FHAD1: variants seen among roughly 807,000 people sequenced by gnomAD.
FHAD1 encodes the protein forkhead-associated domain-containing protein 1.
In FHAD1, 146 loss-of-function variants were observed where a neutral mutation model predicts 191.3. The observed-to-expected ratio is 0.76, with a 90% CI of 0.67 to 0.88. The LOEUF (loss-of-function observed/expected upper bound fraction) is 0.88, where lower values mean the gene tolerates loss of function less well. Ranked by LOEUF, FHAD1 falls within the 40% of genes least tolerant of loss-of-function variation. FHAD1 has a pLI of 0.00. For synonymous variants in FHAD1, 616 were observed against 672.3 expected, an observed-to-expected ratio of 0.92 and a Z score of 1.29; for missense variants, 1,635 against 1,785.8, an observed-to-expected ratio of 0.92 and a Z score of 1.52.
chr1:15,280,416 G>A (rs1247698772), intron 3 of FHAD1, among the ~76,000 whole-genome samples: 2 of 152,088 alleles, frequency 1.3e-5, no homozygotes, highest in Non-Finnish European at 2.9e-5. Flanking sequence ...GAGGGCATGG[G>A]GCAGCAGACA....
intron 17 of FHAD1, 36 bp from the exon 18 acceptor site, chr1:15,345,380 G>C (rs1688486616): frequency 7.2e-6 from 11 of 1,537,510 alleles, no homozygotes; most frequent in Non-Finnish European, 9.7e-6. Flanking sequence ...TCCTCCCATG[G>C]TAACCATGTC....
chr1:15,255,402 T>G (rs1233106922), intron 2 of FHAD1, among the ~76,000 whole-genome samples: 4 of 152,216 alleles, frequency 2.6e-5, no homozygotes, highest in African/African-American at 9.6e-5. Flanking sequence ...ATCATGTGAC[T>G]CAGGGACAAT....
intron 14 of FHAD1, among the ~76,000 whole-genome samples, chr1:15,337,051 A>G (rs954537864): frequency 6.6e-6 from 1 of 152,208 alleles, no homozygotes; most frequent in African/African-American, 2.4e-5. Flanking sequence ...ACGCCTCTGC[A>G]GGAGGGGCTG....
At chr1:15,361,648 T>C (rs1161196168) in intron 22 of FHAD1, among the ~76,000 whole-genome samples, 2 of 152,062 alleles carry the variant, frequency 1.3e-5, no homozygotes, top group Non-Finnish European at 2.9e-5. Flanking sequence ...TAGGGCACCA[T>C]GACAAGGACA....
At chr1:15,292,587 T>C (rs1665234436) in intron 4 of FHAD1, among the ~76,000 whole-genome samples, 1 of 152,112 alleles carries the variant, frequency 6.6e-6, no homozygotes, top group South Asian at 2.1e-4. Context: ...CACCCGCCTT[T>C]AAAGAGGTAA....
At chr1:15,353,026 A>T in intron 20 of FHAD1, 42 bp downstream of exon 20, 6 of 1,383,390 alleles carry the variant, frequency 4.3e-6, no homozygotes, top group Non-Finnish European at 6.0e-6. Flanking sequence ...GGCCCAGCAC[A>T]GCGAAGGGCA....
At chr1:15,399,010 T>C (rs1706808359), downstream of FHAD1, among the ~76,000 whole-genome samples, 1 of 151,974 alleles carries the variant, frequency 6.6e-6, no homozygotes, top group Admixed American at 6.6e-5. Context: ...TTAGTAGAGA[T>C]GGGGTTTCAC....
intron 2 of FHAD1, among the ~76,000 whole-genome samples, chr1:15,257,344 T>C (rs979773829): frequency 1.3e-5 from 2 of 152,372 alleles, no homozygotes; most frequent in Non-Finnish European, 1.5e-5. Flanking sequence ...ATCCGTGACA[T>C]TTTAATTCAC....
In FHAD1 at chr1:15,328,384, C is replaced by G; in HGVS notation, c.1665C>G (p.Thr555=). The G allele has an allele frequency of 6.5e-7, 1 of 1,545,578 alleles. No individual in the cohort carries two copies. Among genetic ancestry groups the G allele is most frequent in the Non-Finnish European group, 8.7e-7 (1 of 1,144,838 alleles). The change falls in exon 13 of 34, where the codon ACC becomes ACG. Residue 555 remains threonine, a synonymous_variant. Coordinates refer to ENST00000688493, the MANE Select transcript of FHAD1 (RefSeq NM_001391957.1). ...TQLSNSKQEE[T]TENIEKLRTS... ...TGAGCAACTCCAAGCAGGAGGAGAC[C>G]ACCGAGAACATCGAGAAGCTGAGGA...
intron 5 of FHAD1, among the ~76,000 whole-genome samples, chr1:15,298,390 G>A (rs1667608338): frequency 6.6e-6 from 1 of 152,224 alleles, no homozygotes; most frequent in Non-Finnish European, 1.5e-5. Context: ...AAGAGTGGGA[G>A]CAGGGCAAGG....
chr1:15,315,775 C>T (rs376877322), intron 8 of FHAD1, among the ~76,000 whole-genome samples: 7 of 152,110 alleles, frequency 4.6e-5, no homozygotes, highest in African/African-American at 1.7e-4. Flanking sequence ...TGCAAGCCAC[C>T]GCGCCCAGCC....
At chr1:15,282,450 T>G (rs1195721049) in intron 3 of FHAD1, among the ~76,000 whole-genome samples, 1 of 152,250 alleles carries the variant, frequency 6.6e-6, no homozygotes, top group African/African-American at 2.4e-5. Flanking sequence ...TTTGCCAAAC[T>G]CTTGTATCCC....
chr1:15,381,583 A>G lies in FHAD1; in HGVS notation c.4022+132A>G. On this transcript the variant is annotated intron_variant, in intron 30 of 33. Coordinates refer to ENST00000688493, the MANE Select transcript of FHAD1 (RefSeq NM_001391957.1). The surrounding 1 kb of genome is among the most constrained non-coding windows in gnomAD (Gnocchi z 4.6). ...CCACGTGTGGAATACCTGCAATGTC[A>G]GAAGGGGACCAGGGAGGGCACTGAC... 1.5e-6 allele frequency: 1 copy of G among 686,528 alleles called. No homozygotes were observed. Among genetic ancestry groups the G allele is most frequent in the Non-Finnish European group, 2.5e-6 (1 of 403,154 alleles). The allele number at this position is 686,528 out of a possible 1,614,324, so 42.5% of individuals were successfully genotyped here. A position where few individuals can be genotyped will look rare whatever the true frequency, so the allele number is the denominator to read the frequency against.
intron 22 of FHAD1, among the ~76,000 whole-genome samples, chr1:15,362,002 C>CA (rs796523025): frequency 0.02 from 1,993 of 100,718 alleles, 33 homozygotes; most frequent in African/African-American, 0.057. Flanking sequence ...GACTCTGTCT[C>CA]AAAAAAAAAA....
Position 15,289,174 on chromosome 1 carries a change from G to A in FHAD1, c.301-225G>A, listed in dbSNP as rs537316507. On this transcript the variant is annotated intron_variant, in intron 3 of 33. Coordinates refer to ENST00000688493, the MANE Select transcript of FHAD1 (RefSeq NM_001391957.1). The surrounding 1 kb of genome is among the most constrained non-coding windows in gnomAD (Gnocchi z 4.2). ...TAATTTTTGAATTTTTGGTGAGGCA[G>A]GGTTTTGCCATGTTGTCCAGGCTGG... Among the ~76,000 whole-genome samples, 2 of 152,294 alleles carry A rather than the reference G, an allele frequency of 1.3e-5. No individual in the cohort carries two copies. Among genetic ancestry groups the A allele is most frequent in the Admixed American group, 6.5e-5 (1 of 15,298 alleles).
upstream of FHAD1, among the ~76,000 whole-genome samples, chr1:15,242,491 T>A (rs1214280566): frequency 1.3e-5 from 2 of 152,208 alleles, no homozygotes; most frequent in Non-Finnish European, 2.9e-5. Flanking sequence ...AGGTTCACTG[T>A]CACTCAAAAA....
At chr1:15,338,753 C>T (rs1264526141) in intron 14 of FHAD1, among the ~76,000 whole-genome samples, 2 of 152,172 alleles carry the variant, frequency 1.3e-5, no homozygotes, top group East Asian at 3.9e-4. Flanking sequence ...TCTCCCCCTC[C>T]TCTGACACCC....
intron 24 of FHAD1, 141 bp downstream of exon 24, chr1:15,366,074 T>C: frequency 1.7e-6 from 1 of 581,124 alleles, no homozygotes; most frequent in South Asian, 2.2e-5. Context: ...GATCACAAGG[T>C]CAGGAGTTCA....
At chr1:15,345,268 C>A in intron 17 of FHAD1, 78 bp downstream of exon 17, 1 of 1,396,690 alleles carries the variant, frequency 7.2e-7, no homozygotes, top group Non-Finnish European at 9.9e-7. Context: ...CTGGTCTGGG[C>A]CCGCCGGCTC....
Sources: gnomAD v4.1 joint callset for allele counts (sites outside exome capture counted in the v4.1 genomes callset) on GRCh38, gnomAD v4.1.1 for gene constraint, Gnocchi (gnomAD v3.1) non-coding constraint, MANE v1.5 for transcripts, NCBI Gene and HGNC (gene_info 2026-07-23, HGNC 2026-07-21) for gene names.